POU2F1: variants seen among roughly 807,000 people sequenced by gnomAD.
POU2F1 encodes the protein POU class 2 homeobox 1, also known as POU domain, class 2, transcription factor 1.
A neutral mutation model predicts 84.9 loss-of-function variants in POU2F1; 16 were observed. The ratio of observed to expected loss-of-function variants is 0.19; its 90% CI spans 0.13 to 0.29. The LOEUF (loss-of-function observed/expected upper bound fraction) is 0.29. Ranked by LOEUF, POU2F1 falls within the 10% of genes least tolerant of loss-of-function variation. The pLI, the probability that POU2F1 is intolerant of heterozygous loss-of-function variation, is 1.00. For missense variants in POU2F1, 738 were observed against 942.6 expected, an observed-to-expected ratio of 0.78 and a Z score of 2.84; for synonymous variants, 368 against 368.3, an observed-to-expected ratio of 1.00 and a Z score of 0.01.
At chr1:167,409,768 G>A (rs1314533140) in intron 13 of POU2F1, among the ~76,000 whole-genome samples, 3 of 152,128 alleles carry the variant, frequency 2.0e-5, no homozygotes, top group South Asian at 4.1e-4. Context: ...ACTATTTTAA[G>A]CCTTTTGAGC....
At chr1:167,299,163 CAAAAAA>C (rs71073663) in intron 1 of POU2F1, among the ~76,000 whole-genome samples, 3 of 96,852 alleles carry the variant, frequency 3.1e-5, no homozygotes, top group Admixed American at 2.3e-4. Flanking sequence ...AACGCCATCT[CAAAAAA>C]AAAAAAAAAA....
chr1:167,397,180 A>G (rs1648869222), intron 10 of POU2F1, among the ~76,000 whole-genome samples: 1 of 152,242 alleles, frequency 6.6e-6, no homozygotes, highest in Non-Finnish European at 1.5e-5. Context: ...TGTGTATGAC[A>G]TGCCCAAGGT....
chr1:167,398,592 C>T (rs1052789599), intron 11 of POU2F1, among the ~76,000 whole-genome samples: 6 of 152,080 alleles, frequency 3.9e-5, no homozygotes, highest in African/African-American at 1.4e-4. Flanking sequence ...CACTAGAGAC[C>T]TTGAGTGTTA....
At chr1:167,394,660 A>C (rs545344643) in intron 9 of POU2F1, among the ~76,000 whole-genome samples, 479 of 152,250 alleles carry the variant, frequency 3.1e-3, no homozygotes, top group African/African-American at 0.011. Context: ...ATTGGGTTTT[A>C]ATTAATTTAA....
chr1:167,316,661 T>C (rs1311595901), intron 1 of POU2F1, among the ~76,000 whole-genome samples: 2 of 152,208 alleles, frequency 1.3e-5, no homozygotes, highest in Non-Finnish European at 2.9e-5. Context: ...AACTCTGAGA[T>C]ATTTGTTACC....
intron 8 of POU2F1, 70 bp downstream of exon 8, chr1:167,384,021 A>AT (rs35617253): frequency 2.4e-4 from 273 of 1,145,954 alleles, no homozygotes; most frequent in Middle Eastern, 4.4e-4. Context: ...ACTTTATTTA[A>AT]TTTTTTTTTT....
intron 9 of POU2F1, among the ~76,000 whole-genome samples, chr1:167,394,583 A>C (rs1258038609): frequency 6.6e-6 from 1 of 152,196 alleles, no homozygotes; most frequent in Non-Finnish European, 1.5e-5. Flanking sequence ...TACAATAGCC[A>C]CTGTCTACTT....
intron 9 of POU2F1, among the ~76,000 whole-genome samples, chr1:167,394,179 C>T (rs969024308): frequency 5.3e-5 from 8 of 151,970 alleles, no homozygotes; most frequent in African/African-American, 1.9e-4. Flanking sequence ...GCCACCACAC[C>T]CAACTAATTT....
rs1650514774 is a variant in POU2F1 at position 167,419,519 on chromosome 1, A to C, written c.*3709A>C. The stretch of plus-strand genomic sequence containing the variant: ...TCACAAGTGGTGCAATTTGGTCATA[A>C]ACTTTATTTATACCCTGTATACATC... On this transcript the variant is annotated 3_prime_UTR_variant, in exon 16 of 16. Transcript: ENST00000367866. 6.6e-6 allele frequency: 1 copy of C among 152,218 alleles called. No homozygotes were observed. Among genetic ancestry groups the C allele is most frequent in the Non-Finnish European group, 1.5e-5 (1 of 68,034 alleles). 9.4% of individuals were successfully genotyped at this position (152,218 alleles called of 1,614,324 possible). A position where few individuals can be genotyped will look rare whatever the true frequency, so the allele number is the denominator to read the frequency against.
intron 13 of POU2F1, among the ~76,000 whole-genome samples, chr1:167,403,950 G>A (rs906338219): frequency 1.3e-5 from 2 of 152,008 alleles, no homozygotes; most frequent in African/African-American, 2.4e-5. Context: ...TTTTTCCTTT[G>A]AATTTTGTTG....
intron 1 of POU2F1, among the ~76,000 whole-genome samples, chr1:167,267,630 CT>C (rs71073658): frequency 0.013 from 943 of 70,302 alleles, no homozygotes; most frequent in South Asian, 0.03. Context: ...GTTACTGTGT[CT>C]TTTTTTTTTT....
At chr1:167,313,403 TCAGTTACCCCAA>T (rs1655637527) in intron 1 of POU2F1, among the ~76,000 whole-genome samples, 3 of 150,962 alleles carry the variant, frequency 2.0e-5, no homozygotes, top group Admixed American at 6.6e-5. Context: ...ATAAGAAGAG[TCAGTTACCCCAA>T]TTTCAAGACT....
At chr1:167,239,420 A>T (rs1012019867) in intron 1 of POU2F1, among the ~76,000 whole-genome samples, 5 of 152,240 alleles carry the variant, frequency 3.3e-5, no homozygotes, top group African/African-American at 1.2e-4. Flanking sequence ...TTACAAGAGT[A>T]AAAGAACATA....
Position 167,376,173 on chromosome 1 carries a change from G to C in POU2F1, c.718+18G>C. ...CCAGCAGGGTGAGCTCCTCCTTAGA[G>C]CTTATTAGTGGTATACCAAGGCTGT... On this transcript the variant is annotated intron_variant, in intron 7 of 15. Coordinates refer to ENST00000367866, the MANE Select transcript of POU2F1 (RefSeq NM_002697.4). The C allele has an allele frequency of 6.2e-7, 1 of 1,613,738 alleles. No homozygotes were observed. Among genetic ancestry groups the C allele is most frequent in the Non-Finnish European group, 8.5e-7 (1 of 1,179,844 alleles).
chr1:167,396,691 ACAC>A, intron 10 of POU2F1: 1 of 328,034 alleles, frequency 3.0e-6, no homozygotes. Flanking sequence ...TTAGGAACAC[ACAC>A]ACACACACAC....
rs148607969 is a variant in POU2F1, at chr1:167,263,122, A to G, written c.61+42164A>G. ...ACACTTTTTTGTTTTCTTTATAAAC[A>G]TAACTAAAACAAATGTAAGCTTAGT... On this transcript the variant is annotated intron_variant, in intron 1 of 15. Coordinates refer to ENST00000367866, the MANE Select transcript of POU2F1 (RefSeq NM_002697.4). Among the ~76,000 whole-genome samples the G allele has an allele frequency of 1.7e-3, 252 of 152,372 alleles. 2 individuals carry two copies. Among genetic ancestry groups the G allele is most frequent in the Non-Finnish European group, 2.6e-3 (179 of 68,030 alleles).
At chr1:167,284,704 GGGC>G in intron 1 of POU2F1, among the ~76,000 whole-genome samples, 1 of 152,040 alleles carries the variant, frequency 6.6e-6, no homozygotes. Flanking sequence ...CTCTTCAAAG[GGGC>G]TTTTTAATGA....
intron 1 of POU2F1, among the ~76,000 whole-genome samples, chr1:167,250,853 C>G (rs929829082): frequency 6.6e-6 from 1 of 152,088 alleles, no homozygotes; most frequent in Non-Finnish European, 1.5e-5. Context: ...TTTTATTTCT[C>G]CAAATTTTGT....
intron 1 of POU2F1, among the ~76,000 whole-genome samples, chr1:167,223,590 A>G (rs1448516969): frequency 6.6e-6 from 1 of 152,098 alleles, no homozygotes; most frequent in Non-Finnish European, 1.5e-5. Context: ...CTAGCTATGT[A>G]TTTTGTGGGA....
Sources: allele counts gnomAD v4.1 joint callset (sites outside exome capture counted in the v4.1 genomes callset), GRCh38; gene constraint gnomAD v4.1.1; transcripts MANE v1.5; gene names NCBI Gene and HGNC (gene_info 2026-07-23, HGNC 2026-07-21).